DDAH1: variants seen among roughly 807,000 people sequenced by gnomAD.
The protein encoded by DDAH1 is N(G),N(G)-dimethylarginine dimethylaminohydrolase 1.
Under a neutral mutation model 28.8 loss-of-function variants are expected in DDAH1, and 19 were observed. The observed-to-expected ratio is 0.66, with a 90% CI of 0.46 to 0.97. The LOEUF (loss-of-function observed/expected upper bound fraction) is 0.97. Among genes scored for constraint, DDAH1 ranks in the 50% least tolerant of loss-of-function variants. The pLI, the probability that DDAH1 is intolerant of heterozygous loss-of-function variation, is 0.00. For missense variants in DDAH1, 326 were observed against 375.9 expected, an observed-to-expected ratio of 0.87 and a Z score of 1.10; for synonymous variants, 153 against 154.4, an observed-to-expected ratio of 0.99 and a Z score of 0.07.
chr1:85,494,926 AT>A lies in DDAH1; in HGVS notation c.-7+1239del, dbSNP rs1398353598. 2.6e-5 allele frequency: 4 copies of A among 152,336 alleles called. No homozygotes were observed. In the East Asian group the frequency reaches 5.8e-4, roughly 22 times the overall value. The allele number at this position is 152,336 out of a possible 1,614,324, so 9.4% of individuals were successfully genotyped here. On this transcript the variant is annotated intron_variant, in intron 2 of 6. Coordinates refer to the DDAH1 transcript ENST00000426972. ...ATCATGAAGGACTTCAAAGATTCCC[AT>A]TGTGGACTCACAAATCACAGTTACT...
chr1:85,380,934 T>C (rs1650951185), intron 1 of DDAH1, among the ~76,000 whole-genome samples: 1 of 152,174 alleles, frequency 6.6e-6, no homozygotes, highest in Non-Finnish European at 1.5e-5. Context: ...GAAGAAACTA[T>C]AGACCTGAAA....
intron 2 of DDAH1, among the ~76,000 whole-genome samples, chr1:85,354,783 G>C (rs1448052986): frequency 2.6e-5 from 4 of 151,986 alleles, no homozygotes; most frequent in African/African-American, 9.7e-5. Flanking sequence ...GAAGGAGTCT[G>C]CTAAAGTAGT....
chr1:85,358,344 T>C (rs1362931340), intron 2 of DDAH1, among the ~76,000 whole-genome samples: 1 of 152,196 alleles, frequency 6.6e-6, no homozygotes, highest in African/African-American at 2.4e-5. Flanking sequence ...ATCTGTTACT[T>C]TGGTAATTAA....
intron 1 of DDAH1, among the ~76,000 whole-genome samples, chr1:85,394,305 C>T (rs1651701167): frequency 6.6e-6 from 1 of 152,102 alleles, no homozygotes; most frequent in African/African-American, 2.4e-5. Context: ...GTGTTTTATC[C>T]CCTTTCCATG....
chr1:85,508,199 G>A (rs1657091597), intron 1 of DDAH1, among the ~76,000 whole-genome samples: 1 of 152,204 alleles, frequency 6.6e-6, no homozygotes, highest in African/African-American at 2.4e-5. Context: ...TACTATTAAA[G>A]ATCCTTGCCT....
chr1:85,522,495 T>C (rs1452419440), intron 1 of DDAH1, among the ~76,000 whole-genome samples: 2 of 148,748 alleles, frequency 1.3e-5, no homozygotes, highest in Non-Finnish European at 3.0e-5. Context: ...CTACTGTATG[T>C]GGGATTAAGA....
chr1:85,573,759 C>A (rs546675695), intron 1 of DDAH1, among the ~76,000 whole-genome samples: 3 of 152,326 alleles, frequency 2.0e-5, no homozygotes, highest in African/African-American at 7.2e-5. Flanking sequence ...TGTAAAAAGC[C>A]AATTCCAATT....
intron 1 of DDAH1, among the ~76,000 whole-genome samples, chr1:85,381,122 C>T (rs1318384213): frequency 1.3e-5 from 2 of 150,918 alleles, no homozygotes; most frequent in Non-Finnish European, 2.9e-5. Flanking sequence ...CCTGTAATCC[C>T]AGCTACTCGG....
At chr1:85,331,778 A>T (rs1647784731) in intron 4 of DDAH1, among the ~76,000 whole-genome samples, 1 of 152,208 alleles carries the variant, frequency 6.6e-6, no homozygotes, top group African/African-American at 2.4e-5. Context: ...GGTACTGGAC[A>T]CCTGTTTCCC....
intron 1 of DDAH1, among the ~76,000 whole-genome samples, chr1:85,438,073 A>G (rs761883584): frequency 6.6e-6 from 1 of 152,238 alleles, no homozygotes; most frequent in African/African-American, 2.4e-5. Flanking sequence ...GAATTAATGC[A>G]GAAACAGAAA....
chr1:85,402,310 C>G (rs1652153373), intron 1 of DDAH1, among the ~76,000 whole-genome samples: 1 of 151,888 alleles, frequency 6.6e-6, no homozygotes, highest in African/African-American at 2.4e-5. Flanking sequence ...CCTGAAAGTA[C>G]AGTCTTTTAA....
At chr1:85,485,672 C>G (rs1293125125) in intron 2 of DDAH1, among the ~76,000 whole-genome samples, 1 of 152,174 alleles carries the variant, frequency 6.6e-6, no homozygotes, top group East Asian at 1.9e-4. Flanking sequence ...AGGCTTGTGA[C>G]TATGCTCATT....
chr1:85,511,131 A>G (rs1657214836), intron 1 of DDAH1, among the ~76,000 whole-genome samples: 1 of 152,226 alleles, frequency 6.6e-6, no homozygotes, highest in African/African-American at 2.4e-5. Flanking sequence ...ATGAAAGACC[A>G]GAAATCACAA....
chr1:85,387,843 GA>G (rs1360123322), intron 1 of DDAH1, among the ~76,000 whole-genome samples: 4 of 152,182 alleles, frequency 2.6e-5, no homozygotes, highest in African/African-American at 9.7e-5. Context: ...GGCTGTACAA[GA>G]AGCGTTGCAC....
At position 85,465,125 on chromosome 1, in the gene DDAH1, G is replaced by T; in HGVS notation, c.-80C>A. 1 of 1,173,496 alleles carries T rather than the reference G, an allele frequency of 8.5e-7. No individual in the cohort carries two copies. Among genetic ancestry groups the T allele is most frequent in the Non-Finnish European group, 1.1e-6 (1 of 951,372 alleles). 72.7% of individuals were successfully genotyped at this position (1,173,496 alleles called of 1,614,324 possible). ...CGGGCAGCGCGCGCTGAGCCTGCGAGCGCCCGTCGGCTCCTCTTGGCAGCC... is the reference window on the plus strand; with the variant it reads ...CGGGCAGCGCGCGCTGAGCCTGCGATCGCCCGTCGGCTCCTCTTGGCAGCC... On this transcript the variant is annotated 5_prime_UTR_variant, in exon 1 of 6. Coordinates refer to ENST00000284031, the MANE Select transcript of DDAH1 (RefSeq NM_012137.4).
At chr1:85,531,221 C>T (rs1290935251) in intron 1 of DDAH1, among the ~76,000 whole-genome samples, 2 of 152,100 alleles carry the variant, frequency 1.3e-5, no homozygotes, top group Non-Finnish European at 2.9e-5. Flanking sequence ...AGTGCCTCTA[C>T]CCCTTTCAAT....
chr1:85,498,547 A>C (rs1393832654), intron 1 of DDAH1, among the ~76,000 whole-genome samples: 7 of 152,360 alleles, frequency 4.6e-5, no homozygotes, highest in African/African-American at 1.7e-4. Flanking sequence ...AAGGATGCAC[A>C]TTTCAGTCCC....
Position 85,464,098 on chromosome 1 carries a change from C to G in DDAH1, c.303+645G>C, listed in dbSNP as rs541047285. On this transcript the variant is annotated intron_variant, in intron 1 of 5. Transcript: ENST00000284031. This position sits in a 1 kb window ranked among gnomAD's most constrained non-coding sequence, Gnocchi z 4.4. ...GCTAGCACACACACCCAACACCGCA[C>G]AGAGTACAGCTTTTCAAACCTAGCC... Among the ~76,000 whole-genome samples, 1 of 152,328 alleles carries G rather than the reference C, an allele frequency of 6.6e-6. No homozygotes were observed. Among genetic ancestry groups the G allele is most frequent in the Non-Finnish European group, 1.5e-5 (1 of 68,030 alleles).
intron 1 of DDAH1, among the ~76,000 whole-genome samples, chr1:85,361,178 T>A (rs1649776862): frequency 6.6e-6 from 1 of 152,218 alleles, no homozygotes; most frequent in African/African-American, 2.4e-5. Flanking sequence ...GCATTGAGGT[T>A]CCGTTGAAGC....
Sources: allele counts gnomAD v4.1 joint callset (sites outside exome capture counted in the v4.1 genomes callset), GRCh38; gene constraint gnomAD v4.1.1; non-coding constraint Gnocchi (gnomAD v3.1); transcripts MANE v1.5; gene names NCBI Gene and HGNC (gene_info 2026-07-23, HGNC 2026-07-21).